Variants in AGAP1 observed in about 807,000 individuals in gnomAD.
The protein encoded by AGAP1 is arf-GAP with GTPase, ANK repeat and PH domain-containing protein 1.
AGAP1 carries 29 observed loss-of-function variants against 105.3 expected under a neutral mutation model. The observed-to-expected ratio is 0.28, with a 90% CI of 0.21 to 0.38. The LOEUF (loss-of-function observed/expected upper bound fraction) is 0.38, where lower values mean the gene tolerates loss of function less well. Ranked by LOEUF, AGAP1 falls within the 10% of genes least tolerant of loss-of-function variation. The pLI is 1.00. For missense variants in AGAP1, 998 were observed against 1,165.1 expected, an observed-to-expected ratio of 0.86 and a Z score of 2.09; for synonymous variants, 509 against 485.9, an observed-to-expected ratio of 1.05 and a Z score of -0.63.
Position 236,121,171 on chromosome 2 carries a change from G to A in AGAP1, c.2370+724G>A. Among the ~76,000 whole-genome samples the A allele has an allele frequency of 6.6e-6, 1 of 152,256 alleles. No individual in the cohort carries two copies. The highest frequency in any genetic ancestry group is 1.9e-4 in the East Asian group (1 of 5,198). ...CCAGAAGTGGAGACAGCACCCAGAG[G>A]TGGGACACCCAGCTGGAGGCTCTTC... On this transcript the variant is annotated intron_variant, in intron 17 of 17. Transcript: ENST00000304032. This position sits in a 1 kb window ranked among gnomAD's most constrained non-coding sequence, Gnocchi z 4.9.
intron 1 of AGAP1, among the ~76,000 whole-genome samples, chr2:235,629,364 C>A (rs1946750828): frequency 6.6e-6 from 1 of 151,346 alleles, no homozygotes; most frequent in South Asian, 2.1e-4. Context: ...TGATTGATGC[C>A]ACTGCCCATC....
rs1953786246 is a variant in AGAP1 at position 235,754,895 on chromosome 2, G to A, written c.673+4407G>A. ...TGACCTTGTGTCTTGCTCAGGGGTG[G>A]AAAAGAAGTGTGGCAGCCCAGGCTG... On this transcript the variant is annotated intron_variant, in intron 6 of 17. Transcript: ENST00000304032. The surrounding 1 kb of genome is among the most constrained non-coding windows in gnomAD (Gnocchi z 4.6). Among the ~76,000 whole-genome samples, 1 of 152,244 alleles carries A rather than the reference G, an allele frequency of 6.6e-6. No individual in the cohort carries two copies. Among genetic ancestry groups the A allele is most frequent in the Admixed American group, 6.5e-5 (1 of 15,290 alleles).
At chr2:235,541,332 C>T (rs1943426549) in intron 1 of AGAP1, among the ~76,000 whole-genome samples, 1 of 151,310 alleles carries the variant, frequency 6.6e-6, no homozygotes, top group Admixed American at 6.6e-5. Context: ...TCCCAACCCC[C>T]TTCCTAAATC....
Position 236,040,494 on chromosome 2 carries a change from T to G in AGAP1, c.1801-257T>G. 1.9e-6 allele frequency: 1 copy of G among 525,778 alleles called. No individual in the cohort carries two copies. The highest frequency in any genetic ancestry group is 3.4e-6 in the Non-Finnish European group (1 of 292,344). 32.6% of individuals were successfully genotyped at this position (525,778 alleles called of 1,614,324 possible). On this transcript the variant is annotated intron_variant, in intron 14 of 17. Transcript: ENST00000304032. The surrounding 1 kb of genome is among the most constrained non-coding windows in gnomAD (Gnocchi z 5.6). ...TCACAGATGATCCAGAACTCTCCTC[T>G]TTGCTCATTTCTGGCAGAGTCCGTC...
In AGAP1 at chr2:235,858,080, C is replaced by CT. The variant is rs561715371; in HGVS notation, c.1051-25264dup. On this transcript the variant is annotated intron_variant, in intron 9 of 17. Coordinates refer to ENST00000304032, the MANE Select transcript of AGAP1 (RefSeq NM_001037131.3). ...ATGTGTATCTTAATTGCTAAAATCTCTAACTTTGTATAAATTCAAATTGAA... is the reference window on the plus strand; with the variant it reads ...ATGTGTATCTTAATTGCTAAAATCTCTTAACTTTGTATAAATTCAAATTGAA... Among the ~76,000 whole-genome samples, 40 of 152,292 alleles carry CT rather than the reference C, an allele frequency of 2.6e-4. No individual in the cohort carries two copies. In the East Asian group the frequency reaches 4.1e-3, roughly 15 times the overall value.
intron 1 of AGAP1, among the ~76,000 whole-genome samples, chr2:235,519,332 C>T (rs1303900207): frequency 1.3e-5 from 2 of 152,106 alleles, no homozygotes; most frequent in African/African-American, 2.4e-5. Flanking sequence ...TATGGCCTCC[C>T]GAGTTGCTGG....
intron 1 of AGAP1, among the ~76,000 whole-genome samples, chr2:235,683,578 A>T (rs1011226919): frequency 2.0e-5 from 3 of 151,626 alleles, no homozygotes; most frequent in Non-Finnish European, 4.4e-5. Flanking sequence ...AAGTTTGTAA[A>T]ATTTAGGAAT....
Position 236,073,826 on chromosome 2 carries a change from T to A in AGAP1, c.2114+24545T>A, listed in dbSNP as rs887775288. On this transcript the variant is annotated intron_variant, in intron 16 of 17. Transcript: ENST00000304032. This position sits in a 1 kb window ranked among gnomAD's most constrained non-coding sequence, Gnocchi z 5.4. Reference sequence around the variant, plus strand: ...CTCCCGTGGCCTTCTCAACACACTTTAGAATCTGCAGGAGACCTGCAGCCC... The same window carrying A: ...CTCCCGTGGCCTTCTCAACACACTTAAGAATCTGCAGGAGACCTGCAGCCC... 6.6e-6 allele frequency among the ~76,000 whole-genome samples: 1 copy of A among 152,092 alleles called. No individual in the cohort carries two copies. Among genetic ancestry groups the A allele is most frequent in the African/African-American group, 2.4e-5 (1 of 41,406 alleles).
Position 235,959,999 on chromosome 2 carries a change from T to C in AGAP1, c.1484-8463T>C, listed in dbSNP as rs2054114610. Among the ~76,000 whole-genome samples, 1 of 152,192 alleles carries C rather than the reference T, an allele frequency of 6.6e-6. No homozygotes were observed. The highest frequency in any genetic ancestry group is 6.5e-5 in the Admixed American group (1 of 15,284). On this transcript the variant is annotated intron_variant, in intron 12 of 17. Transcript: ENST00000304032. The surrounding 1 kb of genome is among the most constrained non-coding windows in gnomAD (Gnocchi z 7.3). ...AGTAAAATGTCCAGGGCCTGGGCTATGGAGTGTTGGAGCATTGCCGTGGCA... is the reference window on the plus strand; with the variant it reads ...AGTAAAATGTCCAGGGCCTGGGCTACGGAGTGTTGGAGCATTGCCGTGGCA...
rs2057667932 is a variant in AGAP1 at position 236,044,808 on chromosome 2, C to T, written c.1891+3967C>T. Among the ~76,000 whole-genome samples the T allele has an allele frequency of 6.6e-6, 1 of 152,092 alleles. No individual in the cohort carries two copies. Among genetic ancestry groups the T allele is most frequent in the Admixed American group, 6.6e-5 (1 of 15,254 alleles). On this transcript the variant is annotated intron_variant, in intron 15 of 17. Transcript: ENST00000304032. This position sits in a 1 kb window ranked among gnomAD's most constrained non-coding sequence, Gnocchi z 5.7. Reference sequence around the variant, plus strand: ...ACACACATCCCTACTCCCTGCTGTTCTGCCCTGGGGGCTTCCTGGCTCTGG... The same window carrying T: ...ACACACATCCCTACTCCCTGCTGTTTTGCCCTGGGGGCTTCCTGGCTCTGG...
At position 236,081,469 on chromosome 2, in the gene AGAP1, G is replaced by A. The variant is rs530293363; in HGVS notation, c.2114+32188G>A. Among the ~76,000 whole-genome samples, 8 of 152,314 alleles carry A rather than the reference G, an allele frequency of 5.3e-5. No individual in the cohort carries two copies. The South Asian group carries it at 1.2e-3, about 24-fold the overall frequency. On this transcript the variant is annotated intron_variant, in intron 16 of 17. Transcript: ENST00000304032. ...CAGTGTGTCCTCCACCCGACTGAGA[G>A]TCTGTGTATCAAGATAGGGGTAAAT...
chr2:235,520,984 A>G (rs1942590896), intron 1 of AGAP1, among the ~76,000 whole-genome samples: 1 of 152,204 alleles, frequency 6.6e-6, no homozygotes, highest in Admixed American at 6.5e-5. Context: ...GTCACAGGAA[A>G]GATAAAGATG....
chr2:235,641,331 C>T (rs1206076713), intron 1 of AGAP1, among the ~76,000 whole-genome samples: 3 of 151,560 alleles, frequency 2.0e-5, no homozygotes, highest in Non-Finnish European at 4.4e-5. Flanking sequence ...CTCCTCCCTC[C>T]CTCCCTCTCT....
intron 1 of AGAP1, among the ~76,000 whole-genome samples, chr2:235,680,983 T>C (rs1418754176): frequency 2.6e-5 from 4 of 152,110 alleles, no homozygotes; most frequent in African/African-American, 9.7e-5. Context: ...CTGGGCAGTT[T>C]GCTGGCCTCT....
intron 1 of AGAP1, among the ~76,000 whole-genome samples, chr2:235,572,976 TTTCTTCTTCTTC>T (rs1172737406): frequency 0.012 from 1,217 of 103,866 alleles, 56 homozygotes; most frequent in Non-Finnish European, 0.017. Flanking sequence ...CTCCATCTTT[TTTCTTCTTCTTC>T]TTCTTCTTCT....
rs1401302300 is a variant in AGAP1 at position 236,027,587 on chromosome 2, G to T, written c.1646-8974G>T. Among the ~76,000 whole-genome samples, 1 of 152,162 alleles carries T rather than the reference G, an allele frequency of 6.6e-6. No homozygotes were observed. The highest frequency in any genetic ancestry group is 2.4e-5 in the African/African-American group (1 of 41,522). On this transcript the variant is annotated intron_variant, in intron 13 of 17. Transcript: ENST00000304032. The surrounding 1 kb of genome is among the most constrained non-coding windows in gnomAD (Gnocchi z 4.4). The stretch of plus-strand genomic sequence containing the variant: ...GATGTTTGCATCACAGTTCAGCCCT[G>T]GTCCCCATCAGCACAGCCTGCCTGG...
At position 236,126,760 on chromosome 2, in the gene AGAP1, T is replaced by C. The variant is rs1477287367; in HGVS notation, c.*2638T>C. ...CAGAAGGAAAGGCAGTTTTTGAGGG[T>C]CTTTCGAAAAAAAGAAGACGGGGCA... On this transcript the variant is annotated 3_prime_UTR_variant, in exon 18 of 18. Transcript: ENST00000304032. The C allele has an allele frequency of 1.3e-5, 2 of 151,958 alleles. No homozygotes were observed. Among genetic ancestry groups the C allele is most frequent in the Non-Finnish European group, 2.9e-5 (2 of 67,994 alleles). 9.4% of individuals were successfully genotyped at this position (151,958 alleles called of 1,614,324 possible). A position where few individuals can be genotyped will look rare whatever the true frequency, so the allele number is the denominator to read the frequency against.
At chr2:235,534,001 A>G (rs1427300197) in intron 1 of AGAP1, among the ~76,000 whole-genome samples, 2 of 152,344 alleles carry the variant, frequency 1.3e-5, no homozygotes, top group East Asian at 3.9e-4. Context: ...GGGGAGCCAC[A>G]TGGGAAGCCC....
intron 13 of AGAP1, among the ~76,000 whole-genome samples, chr2:236,011,864 C>T (rs1294368738): frequency 6.6e-6 from 1 of 152,050 alleles, no homozygotes; most frequent in Admixed American, 6.5e-5. Context: ...GGCTGGGTGG[C>T]ACCAAACATC....
Sources: gnomAD v4.1 joint callset for allele counts (sites outside exome capture counted in the v4.1 genomes callset) on GRCh38, gnomAD v4.1.1 for gene constraint, Gnocchi (gnomAD v3.1) non-coding constraint, MANE v1.5 for transcripts, NCBI Gene and HGNC (gene_info 2026-07-23, HGNC 2026-07-21) for gene names.